The following CAPRIN1 variants were observed in gnomAD, a reference collection of about 807,000 sequenced individuals.
CAPRIN1 encodes the protein caprin-1.
Under a neutral mutation model 100.9 loss-of-function variants are expected in CAPRIN1, and 29 were observed. That is an observed-to-expected ratio of 0.29 (90% CI 0.21 to 0.39). CAPRIN1 has a LOEUF of 0.39. Ranked by LOEUF, CAPRIN1 falls within the 10% of genes least tolerant of loss-of-function variation. CAPRIN1 has a pLI of 1.00. For synonymous variants in CAPRIN1, 338 were observed against 307.5 expected, an observed-to-expected ratio of 1.10 and a Z score of -1.04; for missense variants, 795 against 876.7, an observed-to-expected ratio of 0.91 and a Z score of 1.18.
intron 15 of CAPRIN1, 68 bp downstream of exon 15, chr11:34,092,124 G>A (rs12419557): frequency 0.079 from 117,571 of 1,484,416 alleles, 5,304 homozygotes; most frequent in Non-Finnish European, 0.092. Flanking sequence ...TGTTAGGACA[G>A]TTTAGACTTC....
intron 2 of CAPRIN1, among the ~76,000 whole-genome samples, chr11:34,060,572 G>GGCTT (rs1177674730): frequency 1.3e-5 from 2 of 152,044 alleles, no homozygotes; most frequent in African/African-American, 4.8e-5. Flanking sequence ...AAACCCTTTG[G>GGCTT]GCTTACACTT....
At chr11:34,099,077 G>T in intron 18 of CAPRIN1, 1 of 1,409,608 alleles carries the variant, frequency 7.1e-7, no homozygotes, top group Non-Finnish European at 9.2e-7. Flanking sequence ...AGTACTGGTG[G>T]AATACTCCAT....
At chr11:34,068,245 G>C (rs1402659700) in intron 2 of CAPRIN1, among the ~76,000 whole-genome samples, 1 of 152,152 alleles carries the variant, frequency 6.6e-6, no homozygotes, top group Non-Finnish European at 1.5e-5. Flanking sequence ...ATGGCTGAAG[G>C]CTCCAAATAC....
At chr11:34,097,547 A>T in intron 17 of CAPRIN1, 151 bp from the exon 18 acceptor site, 1 of 806,844 alleles carries the variant, frequency 1.2e-6, no homozygotes. Flanking sequence ...GAAGTACAAC[A>T]ATTACAGAAC....
At chr11:34,089,286 A>ACCCC in intron 11 of CAPRIN1, 109 bp from the exon 12 acceptor site, 1 of 4,896 alleles carries the variant, frequency 2.0e-4, no homozygotes, top group Non-Finnish European at 3.9e-4. Context: ...CCCCCCGCAA[A>ACCCC]AAAAAAAAAA....
intron 18 of CAPRIN1, chr11:34,097,969 CTG>C: frequency 7.6e-7 from 1 of 1,309,922 alleles, no homozygotes; most frequent in Non-Finnish European, 9.7e-7. Flanking sequence ...ACTATATAAA[CTG>C]TCTTGAAAAC....
chr11:34,091,773 G>T, intron 14 of CAPRIN1, 133 bp from the exon 15 acceptor site: 1 of 722,472 alleles, frequency 1.4e-6, no homozygotes, highest in South Asian at 1.8e-5. Context: ...TTGTATGTGT[G>T]TGTGATGTTT....
intron 2 of CAPRIN1, among the ~76,000 whole-genome samples, chr11:34,070,741 T>A (rs1219632682): frequency 1.3e-5 from 2 of 151,530 alleles, no homozygotes; most frequent in Non-Finnish European, 2.9e-5. Flanking sequence ...TCACTCTTGT[T>A]GCCCAGGCTG....
chr11:34,097,826 G>A (rs1851395752), intron 18 of CAPRIN1, 65 bp downstream of exon 18: 1 of 1,612,638 alleles, frequency 6.2e-7, no homozygotes. Flanking sequence ...TGGAAGAGCT[G>A]TTAATAGTCT....
At chr11:34,090,847 C>T (rs1013686654) in intron 14 of CAPRIN1, among the ~76,000 whole-genome samples, 169 bp downstream of exon 14, 1 of 152,144 alleles carries the variant, frequency 6.6e-6, no homozygotes, top group African/African-American at 2.4e-5. Flanking sequence ...TTAACTGATA[C>T]TAACGGATAT....
chr11:34,065,528 T>C (rs1469184531), intron 2 of CAPRIN1, among the ~76,000 whole-genome samples: 1 of 152,192 alleles, frequency 6.6e-6, no homozygotes, highest in Non-Finnish European at 1.5e-5. Flanking sequence ...TGCCAGTTGA[T>C]GCTGATGTTG....
chr11:34,052,293 C>T lies in CAPRIN1; in HGVS notation c.1-128C>T, dbSNP rs1404149477. The T allele has an allele frequency of 1.0e-4, 83 of 797,104 alleles. 1 individual carries two copies. The highest frequency in any genetic ancestry group is 3.1e-4 in the South Asian group (19 of 61,584). 49.4% of individuals were successfully genotyped at this position (797,104 alleles called of 1,614,324 possible). A position where few individuals can be genotyped will look rare whatever the true frequency, so the allele number is the denominator to read the frequency against. ...CTGCCCTCGAGGCGCGCCGCGCCCC[C>T]TCCCCCACCCGCTCGCGTAGGCTAC... On this transcript the variant is annotated intron_variant, in intron 1 of 18. Transcript: ENST00000341394.
At chr11:34,098,367 T>G (rs542604098) in intron 18 of CAPRIN1, 1 of 985,056 alleles carries the variant, frequency 1.0e-6, no homozygotes, top group Admixed American at 6.1e-5. Context: ...AAATTACAGG[T>G]TTAGAGAGTT....
chr11:34,075,003 A>G (rs537291092), intron 4 of CAPRIN1, among the ~76,000 whole-genome samples: 20 of 152,258 alleles, frequency 1.3e-4, no homozygotes, highest in African/African-American at 4.8e-4. Context: ...CCTTGGAAAC[A>G]TAGACCTTGC....
chr11:34,053,096 T>C, intron 2 of CAPRIN1: 1 of 1,013,910 alleles, frequency 9.9e-7, no homozygotes, highest in African/African-American at 1.7e-5. Flanking sequence ...CCTGCAGCCT[T>C]GGGGTCTGTC....
At chr11:34,088,742 T>G (rs1851199135) in intron 11 of CAPRIN1, among the ~76,000 whole-genome samples, 1 of 152,170 alleles carries the variant, frequency 6.6e-6, no homozygotes, top group South Asian at 2.1e-4. Flanking sequence ...GCCACTTTAT[T>G]GTACAGCTTT....
chr11:34,061,421 T>G (rs563493461), intron 2 of CAPRIN1, among the ~76,000 whole-genome samples: 3 of 152,026 alleles, frequency 2.0e-5, no homozygotes, highest in Non-Finnish European at 4.4e-5. Flanking sequence ...TTGCCCAGGC[T>G]GGTCTCAAAC....
Position 34,101,959 on chromosome 11 carries a change from TA to T in CAPRIN1, c.*2597del, listed in dbSNP as rs1271442964. On this transcript the variant is annotated 3_prime_UTR_variant, in exon 19 of 19. Transcript: ENST00000341394. The stretch of plus-strand genomic sequence containing the variant: ...GATATGAAACTTCTTTTTTAAAACT[TA>T]AAAAGGTAGAATGTTATTGATTACC... Among the ~76,000 whole-genome samples, 1 of 152,204 alleles carries T rather than the reference TA, an allele frequency of 6.6e-6. No individual in the cohort carries two copies. Among genetic ancestry groups the T allele is most frequent in the Non-Finnish European group, 1.5e-5 (1 of 68,026 alleles).
At position 34,086,132 on chromosome 11, in the gene CAPRIN1, T is replaced by C. The variant is rs772999570; in HGVS notation, c.1035T>C (p.Thr345=). 3 of 1,613,930 alleles carry C rather than the reference T, an allele frequency of 1.9e-6. No individual in the cohort carries two copies. Among genetic ancestry groups the C allele is most frequent in the Non-Finnish European group, 8.5e-7 (1 of 1,179,942 alleles). ...CAGTACCAGAGCCCCACTCTTTGAC[T>C]CCAGTGGCTCAGGCAGATCCCCTTG... ...SPSVPEPHSL[T]PVAQADPLVR... is the part of the protein sequence containing the mutation. Residue 345 remains threonine, a synonymous_variant, in exon 10 of 19, where the codon ACT becomes ACC. Coordinates refer to ENST00000341394, the MANE Select transcript of CAPRIN1 (RefSeq NM_005898.5).
Sources: allele counts gnomAD v4.1 joint callset (sites outside exome capture counted in the v4.1 genomes callset), GRCh38; gene constraint gnomAD v4.1.1; transcripts MANE v1.5; gene names NCBI Gene and HGNC (gene_info 2026-07-23, HGNC 2026-07-21).